COG7: variants seen among roughly 807,000 people sequenced by gnomAD.
COG7 encodes conserved oligomeric Golgi complex subunit 7.
COG7 carries 49 observed loss-of-function variants against 91.5 expected under a neutral mutation model. The observed-to-expected ratio is 0.54, with a 90% CI of 0.43 to 0.68. The LOEUF is 0.68. Among genes scored for constraint, COG7 ranks in the 30% least tolerant of loss-of-function variants. The probability of loss-of-function intolerance (pLI) is 0.00; values close to 1 mark genes in which losing one functional copy is unlikely to be tolerated. For missense variants in COG7, 895 were observed against 961.3 expected (o/e 0.93, Z 0.91); for synonymous variants, 365 against 388.7 (o/e 0.94, Z 0.72).
chr16:23,446,444 TC>T (rs1357424801), intron 1 of COG7: 12 of 149,612 alleles, frequency 8.0e-5, no homozygotes, highest in South Asian at 1.9e-4. Context: ...CTTTCCATGG[TC>T]TTTTTTTTTT....
At chr16:23,433,818 G>GAAAA in intron 5 of COG7, 151 bp from the exon 6 acceptor site, 2 of 701,500 alleles carry the variant, frequency 2.9e-6, no homozygotes, top group African/African-American at 2.3e-5. Context: ...AAGAAAGGCA[G>GAAAA]GAAAAAAAAA....
At chr16:23,391,669 C>T (rs1212434183) in intron 16 of COG7, among the ~76,000 whole-genome samples, 1 of 152,204 alleles carries the variant, frequency 6.6e-6, no homozygotes, top group East Asian at 1.9e-4. Context: ...GCTCTCCTGA[C>T]CACCCCGAGA....
chr16:23,441,501 G>C (rs1392458988), intron 4 of COG7, among the ~76,000 whole-genome samples: 2 of 152,100 alleles, frequency 1.3e-5, no homozygotes, highest in East Asian at 1.9e-4. Context: ...CTTGAGCCTG[G>C]GGGGCAGAGG....
chr16:23,398,150 C>G (rs1963315232), intron 13 of COG7, 21 bp from the exon 14 acceptor site: 2 of 1,602,412 alleles, frequency 1.2e-6, no homozygotes, highest in Non-Finnish European at 1.7e-6. Flanking sequence ...AACGAGAGGA[C>G]ACAATCAGTA....
At chr16:23,389,303 A>T (rs1443502411) in intron 16 of COG7, among the ~76,000 whole-genome samples, 2 of 151,998 alleles carry the variant, frequency 1.3e-5, no homozygotes, top group Admixed American at 1.3e-4. Context: ...TAGGAACTCT[A>T]ATTTAATAAA....
chr16:23,431,601 G>C (rs1963935197), intron 6 of COG7, among the ~76,000 whole-genome samples: 1 of 151,836 alleles, frequency 6.6e-6, no homozygotes, highest in Non-Finnish European at 1.5e-5. Flanking sequence ...TTGAGGTCAG[G>C]AGTTCGAGAC....
intron 4 of COG7, among the ~76,000 whole-genome samples, chr16:23,438,651 C>A (rs1964049690): frequency 6.6e-6 from 1 of 151,932 alleles, no homozygotes; most frequent in South Asian, 2.1e-4. Context: ...TGAAAATACA[C>A]TCAATATCAT....
At chr16:23,419,185 C>G (rs1023347084) in intron 7 of COG7, among the ~76,000 whole-genome samples, 4 of 151,994 alleles carry the variant, frequency 2.6e-5, no homozygotes, top group African/African-American at 9.7e-5. Context: ...GCGGGCGGAT[C>G]AACTGAGGTC....
intron 1 of COG7, 136 bp downstream of exon 1, chr16:23,452,690 C>T (rs1398333262): frequency 3.8e-5 from 55 of 1,458,336 alleles, no homozygotes; most frequent in Non-Finnish European, 4.6e-5. Flanking sequence ...ATCAGGAGTT[C>T]GGGGCTTGCT....
chr16:23,452,658 A>C, intron 1 of COG7, 168 bp downstream of exon 1: 1 of 1,426,332 alleles, frequency 7.0e-7, no homozygotes, highest in Non-Finnish European at 9.2e-7. Flanking sequence ...CCCGGCACCC[A>C]GCTGAGACTC....
In COG7 at chr16:23,400,826, CGGGTGT is replaced by C. The variant is rs372500680; in HGVS notation, c.1804-2703_1804-2698del. Among the ~76,000 whole-genome samples, 52 of 152,070 alleles carry C rather than the reference CGGGTGT, an allele frequency of 3.4e-4. No homozygotes were observed. The East Asian group carries it at 9.7e-3, about 28-fold the overall frequency. ...TTCTACTAAAAATACAAAAATTAGC[CGGGTGT>C]GGTGACGCTTGCCTGTAGTCCCAGA... On this transcript the variant is annotated intron_variant, in intron 13 of 16. Transcript: ENST00000307149.
In COG7 at chr16:23,389,020, G is replaced by T. The variant is rs376359015; in HGVS notation, c.2213C>A (p.Thr738Lys). The T allele has an allele frequency of 5.0e-6, 8 of 1,614,012 alleles. No homozygotes were observed. In the African/African-American group the frequency reaches 9.3e-5, roughly 19 times the overall value. ...GTCCTCAGGCCTGGTCTTCAGTAGC[G>T]TCACGATGTGCTGGAGGGTGCGGGA... ...QPSRTLQHIVTLLKTRPEDYR... is the reference protein window; with the variant it reads ...QPSRTLQHIVKLLKTRPEDYR... Residue 738 changes from threonine (T) to lysine (K), a missense_variant, in exon 17 of 17, where the codon ACG becomes AAG. Coordinates refer to ENST00000307149, the MANE Select transcript of COG7 (RefSeq NM_153603.4).
At chr16:23,452,749 G>GCCTCA in intron 1 of COG7, 77 bp downstream of exon 1, 2 of 1,536,298 alleles carry the variant, frequency 1.3e-6, no homozygotes, top group Non-Finnish European at 1.8e-6. Context: ...CCACCTGAGT[G>GCCTCA]CCTCACGCAA....
chr16:23,396,060 C>T (rs534311879), intron 14 of COG7, among the ~76,000 whole-genome samples: 4 of 152,250 alleles, frequency 2.6e-5, no homozygotes, highest in African/African-American at 9.6e-5. Context: ...CCCAGCCCCA[C>T]TCCCACTGTG....
At chr16:23,409,088 T>TGTGTGTGTGTGTGTGTGC (rs567307217) in intron 11 of COG7, among the ~76,000 whole-genome samples, 22 of 147,910 alleles carry the variant, frequency 1.5e-4, no homozygotes, top group African/African-American at 5.3e-4. Context: ...TGTGTGTGTG[T>TGTGTGTGTGTGTGTGTGC]GCGTGCATGT....
intron 1 of COG7, 131 bp downstream of exon 1, chr16:23,452,695 C>A (rs777290441): frequency 6.8e-7 from 1 of 1,464,428 alleles, no homozygotes; most frequent in East Asian, 2.5e-5. Context: ...GAGTTCGGGG[C>A]TTGCTCTTTT....
chr16:23,422,904 G>T (rs1291504105), intron 7 of COG7, among the ~76,000 whole-genome samples: 2 of 151,628 alleles, frequency 1.3e-5, no homozygotes, highest in African/African-American at 2.4e-5. Context: ...AATTAGCCAG[G>T]TGTGGTAGTG....
intron 10 of COG7, among the ~76,000 whole-genome samples, chr16:23,410,767 G>A (rs570125909): frequency 1.4e-4 from 22 of 152,172 alleles, no homozygotes; most frequent in Middle Eastern, 3.4e-3. Flanking sequence ...GTGCAATGGC[G>A]TCATCTTGGC....
intron 13 of COG7, among the ~76,000 whole-genome samples, chr16:23,403,009 T>C (rs1963402760): frequency 6.6e-6 from 1 of 152,214 alleles, no homozygotes. Flanking sequence ...GGAATCCAAA[T>C]GGCCCTGAAG....
Sources: allele counts gnomAD v4.1 joint callset (sites outside exome capture counted in the v4.1 genomes callset), GRCh38; gene constraint gnomAD v4.1.1; transcripts MANE v1.5; gene names NCBI Gene and HGNC (gene_info 2026-07-23, HGNC 2026-07-21).